The following TNFRSF10B variants were observed in gnomAD, a reference collection of about 807,000 sequenced individuals.
TNFRSF10B encodes the protein TNF receptor superfamily member 10b.
A neutral mutation model predicts 41.4 loss-of-function variants in TNFRSF10B; 35 were observed. The ratio of observed to expected loss-of-function variants is 0.85; its 90% CI spans 0.65 to 1.12. The LOEUF (loss-of-function observed/expected upper bound fraction) is 1.12. TNFRSF10B is among the 50% of genes most tolerant of loss of function. The pLI is 0.00. For synonymous variants in TNFRSF10B, 230 were observed against 215.5 expected, an observed-to-expected ratio of 1.07 and a Z score of -0.59; for missense variants, 584 against 552.7, an observed-to-expected ratio of 1.06 and a Z score of -0.57.
In TNFRSF10B at chr8:23,036,111, A is replaced by AC. The variant is rs1361788268; in HGVS notation, c.251-5240dup. 7.2e-5 allele frequency among the ~76,000 whole-genome samples: 11 copies of AC among 152,260 alleles called. No homozygotes were observed. The East Asian group carries it at 2.1e-3, about 29-fold the overall frequency. ...CAGATAACTACTCTCCTTTTGAGAAACAGCTCTTGGCTTGTTTCTGGGCCT... is the reference window on the plus strand; with the variant it reads ...CAGATAACTACTCTCCTTTTGAGAAACCAGCTCTTGGCTTGTTTCTGGGCCT... On this transcript the variant is annotated intron_variant, in intron 2 of 8. Transcript: ENST00000276431.
intron 2 of TNFRSF10B, among the ~76,000 whole-genome samples, chr8:23,041,603 TA>T (rs199893473): frequency 0.13 from 15,657 of 121,216 alleles, 847 homozygotes; most frequent in South Asian, 0.19. Flanking sequence ...CTCAATGATT[TA>T]AAAAAAAAAA....
chr8:23,023,095 G>C, intron 8 of TNFRSF10B, 111 bp from the exon 9 acceptor site: 2 of 1,378,336 alleles, frequency 1.5e-6, no homozygotes, highest in South Asian at 1.2e-5. Flanking sequence ...CCCCGTGTGC[G>C]GGCAAACCTG....
chr8:23,031,657 G>C lies in TNFRSF10B; in HGVS notation c.251-785C>G, dbSNP rs1267845619. 2.0e-5 allele frequency among the ~76,000 whole-genome samples: 3 copies of C among 151,758 alleles called. No homozygotes were observed. The East Asian group carries it at 5.8e-4, about 29-fold the overall frequency. ...TGATTCACTCTCCTTGGACTCCCAA[G>C]GTGCTAGGAATACAGGTGTCAGCCA... is the stretch of plus-strand genomic sequence containing the variant. On this transcript the variant is annotated intron_variant, in intron 2 of 8. Transcript: ENST00000276431.
intron 1 of TNFRSF10B, among the ~76,000 whole-genome samples, chr8:23,061,692 T>C (rs1281372034): frequency 6.6e-6 from 1 of 152,192 alleles, no homozygotes; most frequent in African/African-American, 2.4e-5. Context: ...GCTTTTATGA[T>C]GTTGTGGAAG....
chr8:23,046,708 C>G (rs1812376511), intron 1 of TNFRSF10B, among the ~76,000 whole-genome samples: 1 of 150,020 alleles, frequency 6.7e-6, no homozygotes, highest in Non-Finnish European at 1.5e-5. Flanking sequence ...TCAAACTATA[C>G]TACAAAGCAA....
In TNFRSF10B at chr8:23,038,055, G is replaced by A. The variant is rs546591829; in HGVS notation, c.250+5083C>T. 2.6e-5 allele frequency among the ~76,000 whole-genome samples: 4 copies of A among 152,244 alleles called. No individual in the cohort carries two copies. In the East Asian group the frequency reaches 5.8e-4, roughly 22 times the overall value. The stretch of plus-strand genomic sequence containing the variant: ...TCCTCATGCCTCTGAATCAACAGGC[G>A]AAAACCAGTTACACAAACCCTGCTG... On this transcript the variant is annotated intron_variant, in intron 2 of 8. Transcript: ENST00000276431.
rs1319763371 is a variant in TNFRSF10B at position 23,027,736 on chromosome 8, C to G, written c.766G>C (p.Glu256Gln). The G allele has an allele frequency of 2.5e-6, 4 of 1,614,088 alleles. No individual in the cohort carries two copies. The highest frequency in any genetic ancestry group is 2.2e-5 in the South Asian group (2 of 91,076). ...GICSGGGGDPERVDRSSQRPG... is the reference protein window; with the variant it reads ...GICSGGGGDPQRVDRSSQRPG... ...AATCAACTCACTCTGTCCACACGCT[C>G]AGGGTCCCCACCACCACCTAAAAAA... The change falls in exon 6 of 9, where the codon GAG (glutamate) becomes CAG (glutamine). Residue 256 changes from glutamate (E) to glutamine (Q), a missense_variant. Transcript: ENST00000276431.
Position 23,021,949 on chromosome 8 carries a change from A to G in TNFRSF10B, c.*722T>C, listed in dbSNP as rs915930110. On this transcript the variant is annotated 3_prime_UTR_variant, in exon 9 of 9. Coordinates refer to ENST00000276431, the MANE Select transcript of TNFRSF10B (RefSeq NM_003842.5). ...TTCTTCATGTTCATAAAATAATAAC[A>G]TACAGAATTATAAAAGTAGAAAGGT... 2.2e-6 allele frequency: 1 copy of G among 452,694 alleles called. No individual in the cohort carries two copies. The highest frequency in any genetic ancestry group is 6.9e-5 in the East Asian group (1 of 14,396). 28.0% of individuals were successfully genotyped at this position (452,694 alleles called of 1,614,324 possible).
chr8:23,040,850 G>C (rs987785423), intron 2 of TNFRSF10B, among the ~76,000 whole-genome samples: 1 of 152,036 alleles, frequency 6.6e-6, no homozygotes, highest in Non-Finnish European at 1.5e-5. Context: ...AATAATGTAA[G>C]TATCATACAT....
chr8:23,056,787 T>C (rs544175808), intron 1 of TNFRSF10B, among the ~76,000 whole-genome samples: 197 of 152,332 alleles, frequency 1.3e-3, no homozygotes, highest in Non-Finnish European at 2.2e-3. Flanking sequence ...AGTGTGTTGC[T>C]TAGCATCCAA....
intron 2 of TNFRSF10B, among the ~76,000 whole-genome samples, chr8:23,035,798 T>C (rs145167783): frequency 9.2e-4 from 140 of 152,342 alleles, no homozygotes; most frequent in African/African-American, 3.2e-3. Context: ...CTTATTTTGA[T>C]TTTGGTGGCA....
chr8:23,022,135 C>A lies in TNFRSF10B; in HGVS notation c.*536G>T. ...ATTAGCCGGGCGTGGTGGTGCACAC[C>A]TGTGGTCCCAGCTATTTGGATGGCT... On this transcript the variant is annotated 3_prime_UTR_variant, in exon 9 of 9. Coordinates refer to ENST00000276431, the MANE Select transcript of TNFRSF10B (RefSeq NM_003842.5). 1 of 443,124 alleles carries A rather than the reference C, an allele frequency of 2.3e-6. No homozygotes were observed. The highest frequency in any genetic ancestry group is 4.5e-6 in the Non-Finnish European group (1 of 221,140). The allele number at this position is 443,124 out of a possible 1,614,324, so 27.4% of individuals were successfully genotyped here.
rs1268719779 is a variant in TNFRSF10B at position 23,061,408 on chromosome 8, ATAT to A, written c.144+7340_144+7342del. On this transcript the variant is annotated intron_variant, in intron 1 of 8. Transcript: ENST00000276431. ...TAAATTTCAAAATTTTAAAAATTTA[ATAT>A]TATTTTATTTTTGGCAGTTTAATTT... 3.9e-5 allele frequency among the ~76,000 whole-genome samples: 6 copies of A among 152,272 alleles called. No individual in the cohort carries two copies. In the East Asian group the frequency reaches 7.7e-4, roughly 20 times the overall value.
intron 1 of TNFRSF10B, among the ~76,000 whole-genome samples, chr8:23,045,591 G>A (rs1025005940): frequency 6.6e-6 from 1 of 152,070 alleles, no homozygotes; most frequent in African/African-American, 2.4e-5. Context: ...ATTTTACAAG[G>A]CTTGCATTAC....
chr8:23,028,573 T>C lies in TNFRSF10B; in HGVS notation c.506A>G (p.Asp169Gly). The C allele has an allele frequency of 3.1e-6, 5 of 1,614,032 alleles. No homozygotes were observed. Among genetic ancestry groups the C allele is most frequent in the Non-Finnish European group, 4.2e-6 (5 of 1,179,990 alleles). The change falls in exon 5 of 9, where the codon GAT (aspartate) becomes GGT (glycine). Residue 169 changes from aspartate to glycine, a missense_variant. Physicochemically the swap from Asp to Gly is moderately conservative, Grantham distance 94 (BLOSUM62 -1). Coordinates refer to ENST00000276431, the MANE Select transcript of TNFRSF10B (RefSeq NM_003842.5). ...TTCGATGTCACTCCAGGGTGTACAA[T>C]CACCGACCTTGACCATCCCTCTGGG... ...GCPRGMVKVG[D>G]CTPWSDIECV...
intron 1 of TNFRSF10B, among the ~76,000 whole-genome samples, chr8:23,048,536 GTACAAACCAT>G (rs1324871889): frequency 6.6e-6 from 1 of 151,996 alleles, no homozygotes; most frequent in Non-Finnish European, 1.5e-5. Context: ...ATAATCAAAG[GTACAAACCAT>G]TGGTTAGACA....
At chr8:23,047,599 A>C (rs1812400701) in intron 1 of TNFRSF10B, among the ~76,000 whole-genome samples, 1 of 152,176 alleles carries the variant, frequency 6.6e-6, no homozygotes, top group South Asian at 2.1e-4. Context: ...TATTTGAAAA[A>C]AAAAAACTCA....
intron 1 of TNFRSF10B, among the ~76,000 whole-genome samples, chr8:23,050,768 C>T (rs185839059): frequency 1.1e-4 from 17 of 152,232 alleles, no homozygotes; most frequent in Non-Finnish European, 1.8e-4. Context: ...ATGGGCTCCA[C>T]CCAGAGCTCA....
At chr8:23,044,161 C>A (rs1395814230) in intron 1 of TNFRSF10B, among the ~76,000 whole-genome samples, 1 of 152,082 alleles carries the variant, frequency 6.6e-6, no homozygotes, top group Non-Finnish European at 1.5e-5. Context: ...TACACGTATA[C>A]AAAAATTAAC....
Sources: allele counts gnomAD v4.1 joint callset (sites outside exome capture counted in the v4.1 genomes callset), GRCh38; gene constraint gnomAD v4.1.1; transcripts MANE v1.5; gene names NCBI Gene and HGNC (gene_info 2026-07-23, HGNC 2026-07-21).